ADAM22: variants seen among roughly 807,000 people sequenced by gnomAD.
ADAM22 encodes the protein ADAM metallopeptidase domain 22.
Under a neutral mutation model 144.6 loss-of-function variants are expected in ADAM22, and 65 were observed. The observed-to-expected ratio is 0.45, with a 90% CI of 0.37 to 0.55. ADAM22 has a LOEUF of 0.55. Ranked by LOEUF, ADAM22 falls within the 20% of genes least tolerant of loss-of-function variation. The pLI is 0.00. For missense variants in ADAM22, 974 were observed against 1,184.9 expected (o/e 0.82, Z 2.61); for synonymous variants, 391 against 412.6 (o/e 0.95, Z 0.63).
chr7:88,175,758 G>T (rs1845491668), intron 26 of ADAM22, among the ~76,000 whole-genome samples: 1 of 152,110 alleles, frequency 6.6e-6, no homozygotes, highest in African/African-American at 2.4e-5. Context: ...GATAATAAAG[G>T]ACTGGAAAAA....
At chr7:88,183,436 A>T (rs1847573341) in intron 29 of ADAM22, among the ~76,000 whole-genome samples, 1 of 152,180 alleles carries the variant, frequency 6.6e-6, no homozygotes, top group Non-Finnish European at 1.5e-5. Context: ...AAGTTAAAAA[A>T]AAAATCAGTA....
chr7:88,079,357 G>A (rs565145554), intron 4 of ADAM22, among the ~76,000 whole-genome samples: 4 of 152,200 alleles, frequency 2.6e-5, no homozygotes, highest in Non-Finnish European at 5.9e-5. Flanking sequence ...CACTAAACAG[G>A]GAAAGGAACA....
intron 18 of ADAM22, among the ~76,000 whole-genome samples, chr7:88,149,683 A>T (rs1405406016): frequency 1.3e-5 from 2 of 152,222 alleles, no homozygotes; most frequent in Admixed American, 6.5e-5. Flanking sequence ...AATCAAAGGA[A>T]AATACTGCAC....
chr7:87,968,578 G>C (rs1291089975), intron 2 of ADAM22, among the ~76,000 whole-genome samples: 1 of 152,058 alleles, frequency 6.6e-6, no homozygotes, highest in Non-Finnish European at 1.5e-5. Flanking sequence ...AGAAATAGCT[G>C]AGTATGGTGG....
intron 3 of ADAM22, among the ~76,000 whole-genome samples, chr7:87,982,068 T>TATACACACACAC (rs1244517564): frequency 1.1e-5 from 1 of 93,720 alleles, no homozygotes; most frequent in African/African-American, 4.6e-5. Context: ...TATATATATA[T>TATACACACACAC]ACACACACAC....
In ADAM22 at chr7:88,075,674, C is replaced by G; in HGVS notation, c.372C>G (p.Gly124=). The G allele has an allele frequency of 6.2e-7, 1 of 1,613,582 alleles. No homozygotes were observed. The highest frequency in any genetic ancestry group is 8.5e-7 in the Non-Finnish European group (1 of 1,179,862). Reference sequence around the variant, plus strand: ...TAGAGAGACACATTGAACATGGAGGCAAGACTGTGGAAGTTAAAGTAAGTG... The same window carrying G: ...TAGAGAGACACATTGAACATGGAGGGAAGACTGTGGAAGTTAAAGTAAGTG... The part of the protein sequence containing the change: ...EYIERHIEHG[G]KTVEVKGGEH... Residue 124 remains glycine, a synonymous_variant, in exon 4 of 32, where the codon GGC becomes GGG. Transcript: ENST00000413139.
At chr7:87,997,508 C>G (rs1791515848) in intron 3 of ADAM22, among the ~76,000 whole-genome samples, 2 of 152,262 alleles carry the variant, frequency 1.3e-5, no homozygotes, top group Admixed American at 1.3e-4. Context: ...TGTAGAGGCT[C>G]TGGAGAAGAA....
At chr7:87,966,735 T>G (rs1010428672) in intron 2 of ADAM22, among the ~76,000 whole-genome samples, 3 of 135,796 alleles carry the variant, frequency 2.2e-5, no homozygotes, top group Admixed American at 7.4e-5. Flanking sequence ...TTTTTTTTTT[T>G]TTTTTTTTTT....
chr7:87,966,018 A>G (rs534065363), intron 2 of ADAM22, among the ~76,000 whole-genome samples: 7 of 152,238 alleles, frequency 4.6e-5, no homozygotes, highest in Non-Finnish European at 8.8e-5. Context: ...TCTCTTCACC[A>G]TAAACAAAAA....
At chr7:87,973,235 A>G (rs1254399682) in intron 2 of ADAM22, among the ~76,000 whole-genome samples, 2 of 152,184 alleles carry the variant, frequency 1.3e-5, no homozygotes, top group Non-Finnish European at 2.9e-5. Flanking sequence ...GAACTCAAAC[A>G]AATTTACAAG....
intron 4 of ADAM22, among the ~76,000 whole-genome samples, chr7:88,103,318 A>G (rs1381856890): frequency 1.3e-5 from 2 of 152,080 alleles, no homozygotes; most frequent in African/African-American, 4.8e-5. Context: ...TCATCTTGTC[A>G]TATTTATAAT....
chr7:88,181,722 G>T, intron 28 of ADAM22, 117 bp downstream of exon 28: 1 of 931,774 alleles, frequency 1.1e-6, no homozygotes, highest in Non-Finnish European at 1.6e-6. Context: ...CCAACAGAGA[G>T]GAGAATATGT....
chr7:88,162,283 T>C (rs1435644486), intron 22 of ADAM22, among the ~76,000 whole-genome samples: 1 of 151,922 alleles, frequency 6.6e-6, no homozygotes, highest in African/African-American at 2.4e-5. Context: ...AGCTAAATGA[T>C]GAGAACACAT....
chr7:88,023,741 A>C (rs957317454), intron 3 of ADAM22, among the ~76,000 whole-genome samples: 1 of 152,106 alleles, frequency 6.6e-6, no homozygotes, highest in African/African-American at 2.4e-5. Flanking sequence ...ATTGTTATTG[A>C]CTATAGTAAC....
chr7:87,976,682 G>A lies in ADAM22; in HGVS notation c.247-1654G>A, dbSNP rs866807431. On this transcript the variant is annotated intron_variant, in intron 2 of 31. Coordinates refer to ENST00000413139, the MANE Select transcript of ADAM22 (RefSeq NM_001324418.2). ...TGGGGAAGTGTCTAGTTCAGGAAAGGTCTCAGCAAAATTAATGAATGAAAA... is the reference window on the plus strand; with the variant it reads ...TGGGGAAGTGTCTAGTTCAGGAAAGATCTCAGCAAAATTAATGAATGAAAA... Among the ~76,000 whole-genome samples the A allele has an allele frequency of 4.6e-5, 7 of 152,248 alleles. 1 individual carries two copies. The Middle Eastern group carries it at 0.01, about 222-fold the overall frequency.
At chr7:88,178,265 C>T (rs752813611) in intron 26 of ADAM22, among the ~76,000 whole-genome samples, 6 of 152,120 alleles carry the variant, frequency 3.9e-5, no homozygotes, top group Non-Finnish European at 8.8e-5. Flanking sequence ...AGCAAAAATT[C>T]AGTTATTTTT....
At chr7:88,039,621 G>GTGTGTGTC (rs1216990820) in intron 3 of ADAM22, among the ~76,000 whole-genome samples, 9 of 150,074 alleles carry the variant, frequency 6.0e-5, no homozygotes, top group African/African-American at 2.2e-4. Flanking sequence ...ATGTGTGTGT[G>GTGTGTGTC]TGTGTGTCTG....
chr7:88,127,689 A>G (rs1563275983), intron 8 of ADAM22, among the ~76,000 whole-genome samples: 1 of 151,968 alleles, frequency 6.6e-6, no homozygotes, highest in Admixed American at 6.6e-5. Flanking sequence ...CTCAAAACAA[A>G]CATATATGTA....
intron 2 of ADAM22, 37 bp downstream of exon 2, chr7:87,935,223 TCCCGGCCCACCCGAGACCCCA>T (rs1275448997): frequency 7.2e-6 from 11 of 1,529,354 alleles, no homozygotes; most frequent in Non-Finnish European, 7.9e-6. Context: ...CCTCCGCGCC[TCCCGGCCCACCCGAGACCCCA>T]CGATTGCGCT....
Sources: gnomAD v4.1 joint callset for allele counts (sites outside exome capture counted in the v4.1 genomes callset) on GRCh38, gnomAD v4.1.1 for gene constraint, MANE v1.5 for transcripts, NCBI Gene and HGNC (gene_info 2026-07-23, HGNC 2026-07-21) for gene names.